GAS2: variants seen among roughly 807,000 people sequenced by gnomAD.
The protein encoded by GAS2 is growth arrest specific 2.
Under a neutral mutation model 37.5 loss-of-function variants are expected in GAS2, and 20 were observed. That is an observed-to-expected ratio of 0.53 (90% CI 0.37 to 0.77). The LOEUF (loss-of-function observed/expected upper bound fraction) is 0.77, where lower values mean the gene tolerates loss of function less well. GAS2 is among the 30% of genes least tolerant of loss of function. GAS2 has a pLI of 0.00. For missense variants in GAS2, 336 were observed against 373.4 expected (o/e 0.90, Z 0.82); for synonymous variants, 144 against 132.2 (o/e 1.09, Z -0.61).
rs556850315 is a variant in GAS2, at chr11:22,649,603, T to A, written c.-21+23790T>A. Among the ~76,000 whole-genome samples the A allele has an allele frequency of 2.0e-5, 3 of 152,360 alleles. No individual in the cohort carries two copies. The East Asian group carries it at 5.8e-4, about 29-fold the overall frequency. ...ATTGCCACAATTTCTGCTCCTGTTA[T>A]TGATCTATTCAGAGATTCAACTTCT... On this transcript the variant is annotated intron_variant, in intron 1 of 5. Transcript: ENST00000528582.
chr11:22,638,521 T>G (rs1858869321), intron 1 of GAS2, among the ~76,000 whole-genome samples: 1 of 151,962 alleles, frequency 6.6e-6, no homozygotes, highest in Non-Finnish European at 1.5e-5. Flanking sequence ...AATTTTTGTA[T>G]TTTTAGTGGA....
chr11:22,737,500 G>A (rs1217564409), intron 4 of GAS2, among the ~76,000 whole-genome samples: 1 of 152,126 alleles, frequency 6.6e-6, no homozygotes, highest in African/African-American at 2.4e-5. Context: ...GCTTTCAAGA[G>A]GAAGCATAGG....
intron 1 of GAS2, among the ~76,000 whole-genome samples, chr11:22,651,008 T>A (rs1461479978): frequency 1.3e-5 from 2 of 152,250 alleles, no homozygotes; most frequent in Non-Finnish European, 2.9e-5. Flanking sequence ...AGTTTCTTCC[T>A]AGTCTTGTTG....
chr11:22,647,902 T>A (rs1299750409), intron 1 of GAS2, among the ~76,000 whole-genome samples: 1 of 152,232 alleles, frequency 6.6e-6, no homozygotes, highest in Non-Finnish European at 1.5e-5. Context: ...TAGTTTCTTT[T>A]GCTGTGCAGA....
At chr11:22,649,973 T>C (rs1311511628) in intron 1 of GAS2, among the ~76,000 whole-genome samples, 5 of 152,254 alleles carry the variant, frequency 3.3e-5, no homozygotes, top group Admixed American at 6.5e-5. Context: ...TTGAATGTGT[T>C]TGCTCTTGCT....
At chr11:22,794,000 C>T (rs1490599166) in intron 7 of GAS2, among the ~76,000 whole-genome samples, 1 of 152,060 alleles carries the variant, frequency 6.6e-6, no homozygotes, top group Non-Finnish European at 1.5e-5. Flanking sequence ...ATTATTCATC[C>T]TTACTTTTGT....
At chr11:22,706,838 G>C (rs1032965273) in intron 3 of GAS2, among the ~76,000 whole-genome samples, 2 of 151,908 alleles carry the variant, frequency 1.3e-5, no homozygotes, top group African/African-American at 2.4e-5. Flanking sequence ...ATAATCCTTT[G>C]GGTATATACC....
chr11:22,754,990 T>C (rs1266855186), intron 6 of GAS2, among the ~76,000 whole-genome samples: 7 of 152,248 alleles, frequency 4.6e-5, no homozygotes, highest in Non-Finnish European at 1.5e-5. Context: ...TTGGGTTGTT[T>C]GGTTGGTTGG....
intron 3 of GAS2, among the ~76,000 whole-genome samples, chr11:22,694,835 C>G (rs1850417669): frequency 6.6e-6 from 1 of 152,094 alleles, no homozygotes. Flanking sequence ...GCAAAGACAG[C>G]AACAAACAAA....
intron 3 of GAS2, among the ~76,000 whole-genome samples, chr11:22,723,511 C>G (rs1852042418): frequency 6.6e-6 from 1 of 151,870 alleles, no homozygotes; most frequent in Non-Finnish European, 1.5e-5. Context: ...AAATGTATCC[C>G]TTAGTGGATT....
chr11:22,796,926 A>G (rs1856453694), intron 7 of GAS2, among the ~76,000 whole-genome samples: 1 of 152,062 alleles, frequency 6.6e-6, no homozygotes, highest in Admixed American at 6.6e-5. Context: ...AGGTTATTAT[A>G]TCTGTGGAGT....
intron 7 of GAS2, among the ~76,000 whole-genome samples, chr11:22,809,233 C>A (rs1857029031): frequency 6.6e-6 from 1 of 152,056 alleles, no homozygotes; most frequent in African/African-American, 2.4e-5. Context: ...GTGCTGCAAC[C>A]AAGAAGAACA....
chr11:22,788,299 TTCAGTA>T (rs766143936), intron 7 of GAS2, among the ~76,000 whole-genome samples: 7 of 152,208 alleles, frequency 4.6e-5, no homozygotes, highest in Non-Finnish European at 7.3e-5. Context: ...CAGGAAAAGT[TTCAGTA>T]TGATTTGACT....
chr11:22,645,677 C>T (rs337501), intron 1 of GAS2, among the ~76,000 whole-genome samples: 104,401 of 151,618 alleles, frequency 0.69, 39,990 homozygotes, highest in East Asian at 0.89. Flanking sequence ...GATATAATTC[C>T]AAATAAATAA....
At chr11:22,704,999 G>A (rs1364348933) in intron 3 of GAS2, among the ~76,000 whole-genome samples, 2 of 152,062 alleles carry the variant, frequency 1.3e-5, no homozygotes, top group Non-Finnish European at 2.9e-5. Context: ...GTGTCATTCA[G>A]AGTAAGCTTT....
intron 3 of GAS2, among the ~76,000 whole-genome samples, chr11:22,701,958 T>C (rs1005109907): frequency 4.6e-5 from 7 of 152,184 alleles, no homozygotes; most frequent in Non-Finnish European, 1.0e-4. Context: ...TAACAGTATA[T>C]ACTGAAATGT....
intron 5 of GAS2, 103 bp from the exon 6 acceptor site, chr11:22,749,017 A>G (rs966826712): frequency 2.6e-6 from 3 of 1,136,092 alleles, no homozygotes; most frequent in Non-Finnish European, 3.7e-6. Flanking sequence ...GTTATTTTTA[A>G]AAGTCAGTGA....
At chr11:22,785,058 G>A (rs1031877809) in intron 7 of GAS2, among the ~76,000 whole-genome samples, 7 of 152,150 alleles carry the variant, frequency 4.6e-5, no homozygotes, top group Middle Eastern at 3.4e-3. Context: ...CATCACACTA[G>A]ACATATTCCA....
In GAS2 at chr11:22,680,349, T is replaced by C. The variant is rs192780654; in HGVS notation, c.146-5319T>C. ...TTTGATATAAATGCAGGGTAGACAC[T>C]TGAAAATCAGTGTGAAGCAGGTGCT... On this transcript the variant is annotated intron_variant, in intron 2 of 7. Transcript: ENST00000454584. Among the ~76,000 whole-genome samples the C allele has an allele frequency of 2.4e-3, 363 of 152,242 alleles. 2 individuals are homozygous for C. The highest frequency in any genetic ancestry group is 5.2e-3 in the South Asian group (25 of 4,828).
Sources: gnomAD v4.1 joint callset for allele counts (sites outside exome capture counted in the v4.1 genomes callset) on GRCh38, gnomAD v4.1.1 for gene constraint, MANE v1.5 for transcripts, NCBI Gene and HGNC (gene_info 2026-07-23, HGNC 2026-07-21) for gene names.